WNT10B: variants seen among roughly 807,000 people sequenced by gnomAD.
The protein encoded by WNT10B is protein Wnt-10b.
A neutral mutation model predicts 32.7 loss-of-function variants in WNT10B; 26 were observed. The ratio of observed to expected loss-of-function variants is 0.79; its 90% CI spans 0.58 to 1.10. WNT10B has a LOEUF of 1.10. Ranked by LOEUF, WNT10B falls within the 50% of genes least tolerant of loss-of-function variation. WNT10B has a pLI of 0.00. For missense variants in WNT10B, 474 were observed against 532.5 expected, an observed-to-expected ratio of 0.89 and a Z score of 1.08; for synonymous variants, 204 against 220.4, an observed-to-expected ratio of 0.93 and a Z score of 0.66.
rs1345922305 is a variant in WNT10B, at chr12:48,968,002, C to T, written c.655G>A (p.Ala219Thr). ...FSRDFLDSREAPRDIQARMRI... is the reference protein window; with the variant it reads ...FSRDFLDSRETPRDIQARMRI... ...ATTCGTGCCTGGATGTCCCGGGGAGCTTCCCTGGAATCCAAGAAATCCCGA... is the reference window on the plus strand; with the variant it reads ...ATTCGTGCCTGGATGTCCCGGGGAGTTTCCCTGGAATCCAAGAAATCCCGA... Residue 219 changes from alanine to threonine, a missense_variant, in exon 4 of 5, where the codon GCT becomes ACT. Transcript: ENST00000301061. 5.0e-6 allele frequency: 8 copies of T among 1,614,252 alleles called. No individual in the cohort carries two copies. Among genetic ancestry groups the T allele is most frequent in the Non-Finnish European group, 6.8e-6 (8 of 1,180,042 alleles).
rs1940840408 is a variant in WNT10B, at chr12:48,970,785, G to C, written c.-40-216C>G. On this transcript the variant is annotated intron_variant, in intron 1 of 4. Coordinates refer to ENST00000301061, the MANE Select transcript of WNT10B (RefSeq NM_003394.4). This position sits in a 1 kb window ranked among gnomAD's most constrained non-coding sequence, Gnocchi z 5.0. Reference sequence around the variant, plus strand: ...AGAGTCAAGGCGTTGTCCCAGCTCAGGACTCAAGCGAGCACCCCTGGAACC... The same window carrying C: ...AGAGTCAAGGCGTTGTCCCAGCTCACGACTCAAGCGAGCACCCCTGGAACC... The C allele has an allele frequency of 1.7e-6, 1 of 585,634 alleles. No individual in the cohort carries two copies. Among genetic ancestry groups the C allele is most frequent in the Non-Finnish European group, 3.0e-6 (1 of 329,164 alleles). The allele number at this position is 585,634 out of a possible 1,614,324, so 36.3% of individuals were successfully genotyped here. A position where few individuals can be genotyped will look rare whatever the true frequency, so the allele number is the denominator to read the frequency against.
In WNT10B at chr12:48,968,346, G is replaced by C. The variant is rs1195775302; in HGVS notation, c.338-27C>G. 2.5e-6 allele frequency: 4 copies of C among 1,599,706 alleles called. No individual in the cohort carries two copies. The East Asian group carries it at 8.9e-5, about 36-fold the overall frequency. On this transcript the variant is annotated intron_variant, in intron 3 of 4. Transcript: ENST00000301061. ...TGGGGATGAGAAGGGTGTGATGGTG[G>C]AGGTAAGGTTGACAGGCAGCTGAGA...
Position 48,966,476 on chromosome 12 carries a change from C to G in WNT10B, c.789G>C (p.Arg263Ser), listed in dbSNP as rs1476430219. The G allele has an allele frequency of 2.5e-6, 4 of 1,614,070 alleles. No individual in the cohort carries two copies. Among genetic ancestry groups the G allele is most frequent in the Non-Finnish European group, 2.5e-6 (3 of 1,180,044 alleles). The change falls in exon 5 of 5, where the codon AGG (arginine) becomes AGC (serine). Residue 263 changes from arginine to serine, a missense_variant. Transcript: ENST00000301061. ...CCACTGCCCGGAACTCTGGGGCCGC[C>G]CTCCAGCATGTCTTGAACTGGCAGC... The part of the protein sequence containing the change: ...SGSCQFKTCW[R>S]AAPEFRAVGA...
Position 48,966,266 on chromosome 12 carries a change from G to A in WNT10B, c.999C>T (p.Ala333=). 6.2e-6 allele frequency: 10 copies of A among 1,614,224 alleles called. No homozygotes were observed. The highest frequency in any genetic ancestry group is 8.5e-6 in the Non-Finnish European group (10 of 1,180,036). Residue 333 remains alanine (A), a synonymous_variant, in exon 5 of 5, where the codon GCC becomes GCT. Transcript: ENST00000301061. The part of the protein sequence containing the change: ...TMGSPGTRGR[A]CNKTSRLLDG... ...CCAACAGGCGGCTGGTCTTGTTGCA[G>A]GCCCGGCCCCTTGTCCCTGGGGAGC...
At chr12:48,966,731 T>G (rs1433361832) in intron 4 of WNT10B, among the ~76,000 whole-genome samples, 178 bp from the exon 5 acceptor site, 1 of 152,214 alleles carries the variant, frequency 6.6e-6, no homozygotes, top group Non-Finnish European at 1.5e-5. Context: ...CCTCATTTTA[T>G]GATGGCAGAA....
At chr12:48,966,835 G>A (rs912728647) in intron 4 of WNT10B, among the ~76,000 whole-genome samples, 2 of 152,176 alleles carry the variant, frequency 1.3e-5, no homozygotes, top group Admixed American at 6.5e-5. Context: ...CCAATCCAGT[G>A]CTCTTTCCAT....
intron 3 of WNT10B, among the ~76,000 whole-genome samples, chr12:48,968,789 T>TG (rs1940791499): frequency 9.1e-6 from 1 of 109,388 alleles, no homozygotes; most frequent in African/African-American, 4.7e-5. Flanking sequence ...TGTTTTTTTG[T>TG]TTTTTTTTTT....
rs775006934 is a variant in WNT10B, at chr12:48,968,190, C to A, written c.467G>T (p.Arg156Leu). Residue 156 changes from arginine to leucine, a missense_variant, in exon 4 of 5, where the codon CGG becomes CTG. Arg to Leu is a moderately radical substitution (Grantham distance 102). Transcript: ENST00000301061. ...CGWKGSGEQD[R>L]LRAKLLQLQA... ...CAGCTGCAGCAGTTTGGCCCTCAGCCGATCCTGCTCACCACTGCCCTTCCA... is the reference window on the plus strand; with the variant it reads ...CAGCTGCAGCAGTTTGGCCCTCAGCAGATCCTGCTCACCACTGCCCTTCCA... 5 of 1,613,692 alleles carry A rather than the reference C, an allele frequency of 3.1e-6. No homozygotes were observed. In the African/African-American group the frequency reaches 4.0e-5, roughly 13 times the overall value.
chr12:48,966,423 C>G lies in WNT10B; in HGVS notation c.842G>C (p.Arg281Pro). The G allele has an allele frequency of 6.2e-7, 1 of 1,613,890 alleles. No individual in the cohort carries two copies. Among genetic ancestry groups the G allele is most frequent in the Non-Finnish European group, 8.5e-7 (1 of 1,180,040 alleles). The change falls in exon 5 of 5, where the codon CGG (arginine) becomes CCG (proline). Residue 281 changes from arginine to proline, a missense_variant. Physicochemically the swap from Arg to Pro is moderately radical, Grantham distance 103. Coordinates refer to ENST00000301061, the MANE Select transcript of WNT10B (RefSeq NM_003394.4). The stretch of plus-strand genomic sequence containing the variant: ...GTTGTGGGTATCAATGAAGATGGCC[C>G]GGCCCAGCCGCTCCCTCAACGCCGC... The part of the protein sequence containing the change: ...VGAALRERLG[R>P]AIFIDTHNRN...
In WNT10B at chr12:48,970,046, C is replaced by A; in HGVS notation, c.337+43G>T. 2.7e-6 allele frequency: 4 copies of A among 1,457,254 alleles called. No individual in the cohort carries two copies. Among genetic ancestry groups the A allele is most frequent in the Non-Finnish European group, 3.6e-6 (4 of 1,108,404 alleles). The allele number at this position is 1,457,254 out of a possible 1,614,324, so 90.3% of individuals were successfully genotyped here. A position where few individuals can be genotyped will look rare whatever the true frequency, so the allele number is the denominator to read the frequency against. On this transcript the variant is annotated intron_variant, in intron 3 of 4. Coordinates refer to ENST00000301061, the MANE Select transcript of WNT10B (RefSeq NM_003394.4). This position sits in a 1 kb window ranked among gnomAD's most constrained non-coding sequence, Gnocchi z 5.0. ...CGCGCGCCTCGCCCTGCCGCCCACCCCCTAGCCTCCGCGGCAGCGCCGACC... is the reference window on the plus strand; with the variant it reads ...CGCGCGCCTCGCCCTGCCGCCCACCACCTAGCCTCCGCGGCAGCGCCGACC...
chr12:48,971,640 A>G lies in WNT10B; in HGVS notation c.-226T>C, dbSNP rs833842. ...CCGCCGCGGCCGCCGGGAGGAAGGGAGGGAGGAAGGGAGGGAGTGATCGAG... is the reference window on the plus strand; with the variant it reads ...CCGCCGCGGCCGCCGGGAGGAAGGGGGGGAGGAAGGGAGGGAGTGATCGAG... On this transcript the variant is annotated 5_prime_UTR_variant, in exon 1 of 5. Transcript: ENST00000301061. 1 of 152,162 alleles carries G rather than the reference A, an allele frequency of 6.6e-6. No individual in the cohort carries two copies. The highest frequency in any genetic ancestry group is 1.5e-5 in the Non-Finnish European group (1 of 68,302). 9.4% of individuals were successfully genotyped at this position (152,162 alleles called of 1,614,324 possible). A position where few individuals can be genotyped will look rare whatever the true frequency, so the allele number is the denominator to read the frequency against.
intron 4 of WNT10B, 88 bp from the exon 5 acceptor site, chr12:48,966,641 A>G (rs1189179438): frequency 1.4e-6 from 2 of 1,445,972 alleles, no homozygotes; most frequent in Non-Finnish European, 1.9e-6. Context: ...AACAGAGAAC[A>G]CAGGGAGGGA....
chr12:48,969,503 C>A (rs1176855559), intron 3 of WNT10B, among the ~76,000 whole-genome samples: 5 of 152,178 alleles, frequency 3.3e-5, no homozygotes, highest in African/African-American at 1.2e-4. Flanking sequence ...CTGTTCTCTG[C>A]CTCTCCAGCC....
At chr12:48,969,414 G>A (rs1940804964) in intron 3 of WNT10B, among the ~76,000 whole-genome samples, 1 of 152,160 alleles carries the variant, frequency 6.6e-6, no homozygotes, top group Non-Finnish European at 1.5e-5. Context: ...GCCCCCATGG[G>A]TCTTTACACC....
rs1275960452 is a variant in WNT10B, at chr12:48,971,637, G to A, written c.-223C>T. The A allele has an allele frequency of 6.6e-6, 1 of 152,658 alleles. No homozygotes were observed. Among genetic ancestry groups the A allele is most frequent in the Non-Finnish European group, 1.5e-5 (1 of 68,514 alleles). 9.5% of individuals were successfully genotyped at this position (152,658 alleles called of 1,614,324 possible). A position where few individuals can be genotyped will look rare whatever the true frequency, so the allele number is the denominator to read the frequency against. On this transcript the variant is annotated 5_prime_UTR_variant, in exon 1 of 5. Transcript: ENST00000301061. ...GCGCCGCCGCGGCCGCCGGGAGGAA[G>A]GGAGGGAGGAAGGGAGGGAGTGATC...
intron 3 of WNT10B, among the ~76,000 whole-genome samples, chr12:48,968,844 AC>A (rs1565716894): frequency 6.6e-6 from 1 of 150,770 alleles, no homozygotes; most frequent in Non-Finnish European, 1.5e-5. Context: ...CAACCTACCT[AC>A]CACCATCCTA....
chr12:48,967,725 T>C (rs1230387729), intron 4 of WNT10B, among the ~76,000 whole-genome samples: 3 of 152,204 alleles, frequency 2.0e-5, no homozygotes, highest in African/African-American at 7.2e-5. Context: ...GTGCTGAAAT[T>C]ATAGGCGTGA....
At position 48,969,224 on chromosome 12, in the gene WNT10B, G is replaced by A. The variant is rs1311002603; in HGVS notation, c.337+865C>T. ...CCTGAGAAGACGAGAGACAGCACCC[G>A]CTTAGAGACCAGGCCTCTGCTACCC... is the stretch of plus-strand genomic sequence containing the variant. On this transcript the variant is annotated intron_variant, in intron 3 of 4. Transcript: ENST00000301061. The A allele has an allele frequency of 4.2e-5, 19 of 447,186 alleles. 1 individual carries two copies. In the East Asian group the frequency reaches 5.7e-4, roughly 13 times the overall value. The allele number at this position is 447,186 out of a possible 1,614,324, so 27.7% of individuals were successfully genotyped here. A position where few individuals can be genotyped will look rare whatever the true frequency, so the allele number is the denominator to read the frequency against.
chr12:48,966,981 CT>C (rs1054769861), intron 4 of WNT10B, among the ~76,000 whole-genome samples: 6 of 152,138 alleles, frequency 3.9e-5, no homozygotes, highest in Non-Finnish European at 4.4e-5. Flanking sequence ...CTAGCTCAGT[CT>C]GTTTTTTTGT....
Sources: gnomAD v4.1 joint callset for allele counts (sites outside exome capture counted in the v4.1 genomes callset) on GRCh38, gnomAD v4.1.1 for gene constraint, Gnocchi (gnomAD v3.1) non-coding constraint, MANE v1.5 for transcripts, NCBI Gene and HGNC (gene_info 2026-07-23, HGNC 2026-07-21) for gene names.